The following DNAJC10 variants were observed in gnomAD, a reference collection of about 807,000 sequenced individuals.
DNAJC10 encodes DnaJ heat shock protein family (Hsp40) member C10.
A neutral mutation model predicts 115.0 loss-of-function variants in DNAJC10; 101 were observed. The ratio of observed to expected loss-of-function variants is 0.88; its 90% confidence interval spans 0.75 to 1.04. DNAJC10 has a LOEUF of 1.04. Ranked by LOEUF, DNAJC10 falls within the 50% of genes least tolerant of loss-of-function variation. The probability of loss-of-function intolerance (pLI) is 0.00; values close to 1 mark genes in which losing one functional copy is unlikely to be tolerated. For synonymous variants in DNAJC10, 307 were observed against 301.5 expected (o/e 1.02, Z -0.19); for missense variants, 981 against 928.8 (o/e 1.06, Z -0.73).
intron 5 of DNAJC10, 43 bp downstream of exon 5, chr2:182,722,118 C>T (rs772918509): frequency 5.9e-6 from 8 of 1,356,882 alleles, no homozygotes; most frequent in South Asian, 2.7e-5. Context: ...AATACAAGTT[C>T]GATCTCATCT....
intron 14 of DNAJC10, among the ~76,000 whole-genome samples, chr2:182,745,850 C>T (rs893876553): frequency 3.3e-5 from 5 of 151,946 alleles, no homozygotes; most frequent in Admixed American, 6.6e-5. Context: ...AACTCGTCAT[C>T]GAGCATTAGG....
At chr2:182,730,954 ATTAC>A in intron 8 of DNAJC10, 72 bp from the exon 9 acceptor site, 1 of 1,000,218 alleles carries the variant, frequency 1.0e-6, no homozygotes, top group Non-Finnish European at 1.5e-6. Context: ...GAAAGGAAAA[ATTAC>A]TTAGAAGACT....
chr2:182,723,639 T>C (rs1693211462), intron 5 of DNAJC10, among the ~76,000 whole-genome samples: 1 of 152,150 alleles, frequency 6.6e-6, no homozygotes, highest in African/African-American at 2.4e-5. Flanking sequence ...TCCTAATATA[T>C]CAGTAAGTGT....
At position 182,777,222 on chromosome 2, in the gene DNAJC10, A is replaced by G. The variant is rs554802404; in HGVS notation, c.*90A>G. ...TTAGAATGTTACATTTATGATGGGA[A>G]TGAATGAACATTATCTTAGACTTGC... On this transcript the variant is annotated 3_prime_UTR_variant, in exon 24 of 24. Coordinates refer to ENST00000264065, the MANE Select transcript of DNAJC10 (RefSeq NM_018981.4). 1.1e-4 allele frequency: 84 copies of G among 763,026 alleles called. No homozygotes were observed. The African/African-American group carries it at 1.2e-3, about 11-fold the overall frequency. The allele number at this position is 763,026 out of a possible 1,614,324, so 47.3% of individuals were successfully genotyped here. A position where few individuals can be genotyped will look rare whatever the true frequency, so the allele number is the denominator to read the frequency against.
intron 3 of DNAJC10, among the ~76,000 whole-genome samples, chr2:182,719,475 G>A (rs371821050): frequency 6.6e-6 from 1 of 151,696 alleles, no homozygotes. Flanking sequence ...GGCTGGTCTC[G>A]ATCTCCTGAC....
chr2:182,742,350 C>T (rs761719013), intron 13 of DNAJC10, among the ~76,000 whole-genome samples: 2 of 152,086 alleles, frequency 1.3e-5, no homozygotes, highest in Non-Finnish European at 2.9e-5. Context: ...CCACCAAGTC[C>T]GGCTAATTTT....
At position 182,790,812 on chromosome 2, in the gene DNAJC10, A is replaced by G. The variant is rs1216597055; in HGVS notation, c.*13680A>G. ...CTCAAAAAAAAAAAAAAAAATTACA[A>G]TAGTAATAATTATGCCTTCTAACAC... On this transcript the variant is annotated 3_prime_UTR_variant, in exon 24 of 24. Transcript: ENST00000264065. 2.0e-5 allele frequency: 3 copies of G among 151,546 alleles called. No homozygotes were observed. Among genetic ancestry groups the G allele is most frequent in the African/African-American group, 7.3e-5 (3 of 41,264 alleles). 9.4% of individuals were successfully genotyped at this position (151,546 alleles called of 1,614,324 possible).
intron 16 of DNAJC10, among the ~76,000 whole-genome samples, chr2:182,753,118 A>G (rs1220893475): frequency 6.6e-6 from 1 of 152,108 alleles, no homozygotes; most frequent in East Asian, 1.9e-4. Context: ...ATATTTGTGG[A>G]TGAAATTATA....
intron 14 of DNAJC10, among the ~76,000 whole-genome samples, chr2:182,744,107 A>G (rs886236383): frequency 4.6e-5 from 7 of 152,188 alleles, no homozygotes; most frequent in African/African-American, 7.2e-5. Flanking sequence ...CTTCTTCATT[A>G]ACTGCCTTGT....
At chr2:182,773,808 C>T (rs1041728699) in intron 22 of DNAJC10, among the ~76,000 whole-genome samples, 7 of 152,064 alleles carry the variant, frequency 4.6e-5, no homozygotes, top group Admixed American at 2.6e-4. Flanking sequence ...TTGTTATTAC[C>T]GACCTTCTGA....
rs1694943620 is a variant in DNAJC10 at position 182,786,251 on chromosome 2, T to C, written c.*9119T>C. The C allele has an allele frequency of 6.6e-6, 1 of 152,180 alleles. No homozygotes were observed. Among genetic ancestry groups the C allele is most frequent in the African/African-American group, 2.4e-5 (1 of 41,434 alleles). 9.4% of individuals were successfully genotyped at this position (152,180 alleles called of 1,614,324 possible). On this transcript the variant is annotated 3_prime_UTR_variant, in exon 24 of 24. Transcript: ENST00000264065. ...GTTTACCTGTTAGAGGTAGAAAAGT[T>C]ACAGGATAAAAATGGAATTGGTTGG... is the stretch of plus-strand genomic sequence containing the variant.
chr2:182,759,381 G>GT, intron 21 of DNAJC10, 74 bp downstream of exon 21: 1 of 1,440,354 alleles, frequency 6.9e-7, no homozygotes, highest in East Asian at 2.4e-5. Flanking sequence ...TTGTAAGTAT[G>GT]TAATTTTTAG....
chr2:182,768,899 A>G (rs747530264), intron 22 of DNAJC10, among the ~76,000 whole-genome samples: 4 of 152,104 alleles, frequency 2.6e-5, no homozygotes, highest in Non-Finnish European at 5.9e-5. Context: ...ATAGGTATAC[A>G]TGTGTCGTGT....
chr2:182,719,250 C>CT (rs57284693), intron 3 of DNAJC10, among the ~76,000 whole-genome samples: 1,084 of 83,556 alleles, frequency 0.013, 30 homozygotes, highest in East Asian at 0.031. Context: ...GGATTGTTTT[C>CT]TTTTTTTTTT....
Position 182,728,667 on chromosome 2 carries a change from T to C in DNAJC10, c.501+9T>C, listed in dbSNP as rs193261690. The C allele has an allele frequency of 9.3e-3, 14,948 of 1,605,322 alleles. 134 individuals are homozygous for C. Among genetic ancestry groups the C allele is most frequent in the South Asian group, 0.033 (2,932 of 89,136 alleles). On this transcript the variant is annotated intron_variant, in intron 6 of 23. Transcript: ENST00000264065. ...ATGATTTAGCTCCCACAGTATGTAT[T>C]TTTCACATCCTCATTACTAGTTTTA...
At chr2:182,723,037 C>CTT (rs372893280) in intron 5 of DNAJC10, among the ~76,000 whole-genome samples, 1,490 of 105,800 alleles carry the variant, frequency 0.014, 67 homozygotes, top group Non-Finnish European at 0.018. Context: ...GCAAGGGTGG[C>CTT]TTTTTTTTTT....
In DNAJC10 at chr2:182,720,049, G is replaced by A; in HGVS notation, c.247G>A (p.Ala83Thr). The change falls in exon 4 of 24, where the codon GCA (alanine) becomes ACA (threonine). Residue 83 changes from alanine (A) to threonine (T), a missense_variant. Ala to Thr is a moderately conservative substitution (Grantham distance 58). Coordinates refer to ENST00000264065, the MANE Select transcript of DNAJC10 (RefSeq NM_018981.4). ...TGGCGATTTTTTAAAAATAAATAGA[G>A]CATATGAAGTACTCAAAGATGAAGA... The part of the protein sequence containing the change: ...AHGDFLKINR[A>T]YEVLKDEDLR... The A allele has an allele frequency of 6.3e-7, 1 of 1,593,248 alleles. No individual in the cohort carries two copies. Among genetic ancestry groups the A allele is most frequent in the Non-Finnish European group, 8.6e-7 (1 of 1,162,158 alleles).
Position 182,777,128 on chromosome 2 carries a change from T to TTTGA in DNAJC10, c.2380_*1dup, listed in dbSNP as rs1694726527. 1.4e-6 allele frequency: 2 copies of TTTGA among 1,412,414 alleles called. No individual in the cohort carries two copies. Among genetic ancestry groups the TTTGA allele is most frequent in the African/African-American group, 1.4e-5 (1 of 69,572 alleles). 87.5% of individuals were successfully genotyped at this position (1,412,414 alleles called of 1,614,324 possible). On this transcript the variant is annotated stop_gained and frameshift_variant, in exon 24 of 24. Coordinates refer to ENST00000264065, the MANE Select transcript of DNAJC10 (RefSeq NM_018981.4). LOFTEE classifies it high-confidence loss of function. Reference sequence around the variant, plus strand: ...TTTACATTATTATTATAGGATGAACTTTGATAATGTTGAAGATGAAGAAAA... The same window carrying TTTGA: ...TTTACATTATTATTATAGGATGAACTTTGATTGATAATGTTGAAGATGAAGAAAA...
At chr2:182,746,559 T>A (rs920384253) in intron 14 of DNAJC10, among the ~76,000 whole-genome samples, 2 of 151,856 alleles carry the variant, frequency 1.3e-5, no homozygotes, top group African/African-American at 4.9e-5. Context: ...TTCATGTCCT[T>A]CGCCCACTTT....
Sources: allele counts gnomAD v4.1 joint callset (sites outside exome capture counted in the v4.1 genomes callset), GRCh38; gene constraint gnomAD v4.1.1; transcripts MANE v1.5; gene names NCBI Gene and HGNC (gene_info 2026-07-23, HGNC 2026-07-21).